The following FMN1 variants were observed in gnomAD, a reference collection of about 807,000 sequenced individuals.
FMN1 encodes the protein formin-1.
Under a neutral mutation model 132.4 loss-of-function variants are expected in FMN1, and 110 were observed. The observed-to-expected ratio is 0.83, with a 90% confidence interval of 0.71 to 0.97. The LOEUF is 0.97. FMN1 is among the 50% of genes least tolerant of loss of function. The pLI, the probability that FMN1 is intolerant of heterozygous loss-of-function variation, is 0.00. For synonymous variants in FMN1, 722 were observed against 651.7 expected (o/e 1.11, Z -1.64); for missense variants, 1,792 against 1,705.3 (o/e 1.05, Z -0.90).
chr15:32,803,552 C>T (rs915961775), intron 18 of FMN1, among the ~76,000 whole-genome samples: 2 of 152,170 alleles, frequency 1.3e-5, no homozygotes, highest in Admixed American at 1.3e-4. Context: ...TGTTCCCCAA[C>T]TTCTGGGGGA....
At chr15:32,828,231 AC>A (rs1567232422) in intron 17 of FMN1, among the ~76,000 whole-genome samples, 1 of 151,270 alleles carries the variant, frequency 6.6e-6, no homozygotes. Context: ...CCCAGATTGC[AC>A]CACTGCACTC....
In FMN1 at chr15:32,888,200, A is replaced by G. The variant is rs1221855912; in HGVS notation, c.3807T>C (p.Asp1269=). 6.2e-7 allele frequency: 1 copy of G among 1,612,226 alleles called. No individual in the cohort carries two copies. Among genetic ancestry groups the G allele is most frequent in the Non-Finnish European group, 8.5e-7 (1 of 1,179,272 alleles). The part of the protein sequence containing the change: ...SQVKFEDLIK[D]LRKLKRQLEA... ...CTAGTTGCCTCTTCAGTTTTCTCAA[A>G]TCTTTTATGAGGTCTTCAAACTTGA... Residue 1269 remains aspartate, a synonymous_variant, in exon 16 of 21, where the codon GAT becomes GAC. Coordinates refer to ENST00000616417, the MANE Select transcript of FMN1 (RefSeq NM_001277313.2).
At chr15:32,949,150 T>C (rs989182393) in intron 9 of FMN1, among the ~76,000 whole-genome samples, 2 of 152,128 alleles carry the variant, frequency 1.3e-5, no homozygotes, top group Non-Finnish European at 2.9e-5. Context: ...AATTTATTTA[T>C]GGGTGTGATC....
In FMN1 at chr15:33,169,077, T is replaced by C. The variant is rs116774373; in HGVS notation, c.-132+11121A>G. Among the ~76,000 whole-genome samples, 1,027 of 152,326 alleles carry C rather than the reference T, an allele frequency of 6.7e-3. 18 individuals are homozygous for C. Among genetic ancestry groups the C allele is most frequent in the African/African-American group, 0.024 (977 of 41,566 alleles). ...ATGTCACGATAGTTCTTTCACACCA[T>C]TTACATACAAGTTTAGAAGCATTTC... On this transcript the variant is annotated intron_variant, in intron 3 of 20. Transcript: ENST00000616417.
intron 2 of FMN1, among the ~76,000 whole-genome samples, chr15:33,181,929 C>T (rs1188320010): frequency 6.6e-6 from 1 of 151,916 alleles, no homozygotes; most frequent in East Asian, 1.9e-4. Flanking sequence ...AGGCTGCTCT[C>T]GAACTCCTGA....
chr15:32,850,100 C>G (rs1415775013), intron 17 of FMN1, among the ~76,000 whole-genome samples: 1 of 152,166 alleles, frequency 6.6e-6, no homozygotes, highest in Non-Finnish European at 1.5e-5. Flanking sequence ...GTGGAGTACA[C>G]AAGAACCCAT....
rs901365299 is a variant in FMN1, at chr15:33,081,445, T to C, written c.2043+7354A>G. Among the ~76,000 whole-genome samples the C allele has an allele frequency of 2.0e-5, 3 of 152,202 alleles. 1 individual carries two copies. Among genetic ancestry groups the C allele is most frequent in the African/African-American group, 7.2e-5 (3 of 41,450 alleles). On this transcript the variant is annotated intron_variant, in intron 5 of 20. Coordinates refer to ENST00000616417, the MANE Select transcript of FMN1 (RefSeq NM_001277313.2). ...CACCATTAATTTGAAAGACCCAGGA[T>C]ACCTGGTGCATGCCTGAGGAATCTA...
intron 7 of FMN1, among the ~76,000 whole-genome samples, chr15:33,005,158 G>A (rs2034346888): frequency 6.6e-6 from 1 of 151,728 alleles, no homozygotes; most frequent in Admixed American, 6.6e-5. Context: ...CCTGCACGTT[G>A]TGCATATGTA....
chr15:33,126,291 G>A (rs569880838), intron 4 of FMN1, among the ~76,000 whole-genome samples: 9 of 152,244 alleles, frequency 5.9e-5, no homozygotes, highest in Admixed American at 3.9e-4. Context: ...AGGCAGGTAC[G>A]GCACCAGGCC....
chr15:33,012,643 G>A (rs2034794832), intron 6 of FMN1: 8 of 907,414 alleles, frequency 8.8e-6, no homozygotes, highest in Non-Finnish European at 1.5e-5. Context: ...CAACTGTGAA[G>A]GTAGGAAAGC....
intron 3 of FMN1, among the ~76,000 whole-genome samples, chr15:33,177,109 A>G (rs112274604): frequency 1.4e-3 from 212 of 152,298 alleles, no homozygotes; most frequent in Middle Eastern, 3.4e-3. Flanking sequence ...TATTATCTCC[A>G]TTTACAAGGA....
intron 6 of FMN1, among the ~76,000 whole-genome samples, chr15:33,022,611 G>C (rs345847): frequency 6.6e-6 from 1 of 151,872 alleles, no homozygotes; most frequent in Non-Finnish European, 1.5e-5. Flanking sequence ...ACACAGACAA[G>C]TACCAAAGCA....
At chr15:32,917,958 T>G (rs347949) in intron 10 of FMN1, among the ~76,000 whole-genome samples, 2,394 of 152,320 alleles carry the variant, frequency 0.016, 58 homozygotes, top group African/African-American at 0.055. Context: ...TCCACCATTA[T>G]TTAATTCATG....
At chr15:32,855,412 T>C (rs975629256) in intron 17 of FMN1, among the ~76,000 whole-genome samples, 7 of 152,176 alleles carry the variant, frequency 4.6e-5, no homozygotes, top group Admixed American at 2.6e-4. Flanking sequence ...TTTCTCTGAA[T>C]AGACCAGAAT....
chr15:32,921,519 A>G (rs890547572), intron 10 of FMN1, among the ~76,000 whole-genome samples: 2 of 152,150 alleles, frequency 1.3e-5, no homozygotes, highest in African/African-American at 4.8e-5. Context: ...GGCCCTTCTT[A>G]GATTTCTTGT....
At chr15:32,804,413 T>C (rs1469372671) in intron 17 of FMN1, 81 bp from the exon 18 acceptor site, 1 of 265,490 alleles carries the variant, frequency 3.8e-6, no homozygotes. Flanking sequence ...TTACACCCAT[T>C]CATTACCACA....
At chr15:33,177,001 G>C (rs1229048641) in intron 3 of FMN1, among the ~76,000 whole-genome samples, 1 of 152,216 alleles carries the variant, frequency 6.6e-6, no homozygotes, top group Non-Finnish European at 1.5e-5. Flanking sequence ...AATTACTGCT[G>C]CTTAGTGATC....
chr15:33,042,450 A>G lies in FMN1; in HGVS notation c.2161+22507T>C, dbSNP rs375292019. Among the ~76,000 whole-genome samples the G allele has an allele frequency of 3.3e-5, 5 of 152,230 alleles. No homozygotes were observed. The East Asian group carries it at 9.6e-4, about 29-fold the overall frequency. On this transcript the variant is annotated intron_variant, in intron 6 of 20. Transcript: ENST00000616417. ...ATCCAAACAAAATTTAGAGGAAAAA[A>G]ACAAATTGAGGTAATCTGAATGATC...
intron 4 of FMN1, among the ~76,000 whole-genome samples, chr15:33,102,743 G>A (rs1302091722): frequency 6.6e-6 from 1 of 152,018 alleles, no homozygotes; most frequent in African/African-American, 2.4e-5. Flanking sequence ...CCTAAAGTTG[G>A]GAGACAGATT....
Sources: gnomAD v4.1 joint callset for allele counts (sites outside exome capture counted in the v4.1 genomes callset) on GRCh38, gnomAD v4.1.1 for gene constraint, MANE v1.5 for transcripts, NCBI Gene and HGNC (gene_info 2026-07-23, HGNC 2026-07-21) for gene names.